SLC4A4: variants seen among roughly 807,000 people sequenced by gnomAD.
SLC4A4 encodes the protein solute carrier family 4 member 4.
Under a neutral mutation model 111.5 loss-of-function variants are expected in SLC4A4, and 27 were observed. The ratio of observed to expected loss-of-function variants is 0.24; its 90% CI spans 0.18 to 0.33. The LOEUF (loss-of-function observed/expected upper bound fraction) is 0.33. Ranked by LOEUF, SLC4A4 falls within the 10% of genes least tolerant of loss-of-function variation. The pLI, the probability that SLC4A4 is intolerant of heterozygous loss-of-function variation, is 1.00. For missense variants in SLC4A4, 909 were observed against 1,315.5 expected (o/e 0.69, Z 4.78); for synonymous variants, 443 against 463.4 (o/e 0.96, Z 0.57).
At chr4:71,311,731 G>A (rs192894762) in intron 3 of SLC4A4, among the ~76,000 whole-genome samples, 41 of 152,098 alleles carry the variant, frequency 2.7e-4, no homozygotes, top group Middle Eastern at 3.4e-3. Flanking sequence ...AGGAGAAAGC[G>A]GGAAAGATCT....
chr4:71,465,046 A>G (rs1169756295), intron 12 of SLC4A4, among the ~76,000 whole-genome samples: 5 of 152,116 alleles, frequency 3.3e-5, no homozygotes, highest in Non-Finnish European at 5.9e-5. Flanking sequence ...TGGATAGGTT[A>G]ACTCGGAGGT....
chr4:71,488,928 G>GTGT (rs1307362984), intron 15 of SLC4A4, among the ~76,000 whole-genome samples: 2 of 147,822 alleles, frequency 1.4e-5, no homozygotes, highest in Admixed American at 6.8e-5. Context: ...GTGTGTGTGT[G>GTGT]GTCATGAAGG....
Position 71,283,909 on chromosome 4 carries a change from T to C in SLC4A4, c.253+28510T>C, listed in dbSNP as rs375459621. Among the ~76,000 whole-genome samples the C allele has an allele frequency of 2.0e-5, 3 of 152,318 alleles. No homozygotes were observed. In the South Asian group the frequency reaches 6.2e-4, roughly 32 times the overall value. On this transcript the variant is annotated intron_variant, in intron 3 of 25. Coordinates refer to ENST00000264485, the MANE Select transcript of SLC4A4 (RefSeq NM_001098484.3). The stretch of plus-strand genomic sequence containing the variant: ...TGCTGCAGATGCCTCCTCCTTTTGC[T>C]TCCTTATGCTAAATGAGGAGAGTGA...
intron 5 of SLC4A4, among the ~76,000 whole-genome samples, chr4:71,350,380 TA>T (rs1379627572): frequency 6.6e-6 from 1 of 151,888 alleles, no homozygotes; most frequent in Non-Finnish European, 1.5e-5. Flanking sequence ...TTTATTTTAT[TA>T]TTATTATTAT....
chr4:71,469,741 C>T (rs556086095), intron 13 of SLC4A4, among the ~76,000 whole-genome samples: 4 of 152,082 alleles, frequency 2.6e-5, no homozygotes, highest in African/African-American at 9.6e-5. Context: ...TGATGCTCTA[C>T]ACATATCACT....
intron 1 of SLC4A4, among the ~76,000 whole-genome samples, chr4:71,229,808 C>A (rs1327780419): frequency 6.9e-6 from 1 of 144,388 alleles, no homozygotes; most frequent in Non-Finnish European, 1.5e-5. Context: ...AGAGCCCCTG[C>A]GAAGTTTTTT....
At chr4:71,376,084 T>C (rs1033169679) in intron 6 of SLC4A4, among the ~76,000 whole-genome samples, 6 of 149,418 alleles carry the variant, frequency 4.0e-5, no homozygotes, top group Admixed American at 6.7e-5. Flanking sequence ...CGTATATATA[T>C]ACATATATAC....
intron 7 of SLC4A4, among the ~76,000 whole-genome samples, chr4:71,405,646 G>C (rs1205916716): frequency 6.6e-6 from 1 of 152,104 alleles, no homozygotes; most frequent in African/African-American, 2.4e-5. Flanking sequence ...CTTCCCAAAA[G>C]ATTATATGAG....
intron 7 of SLC4A4, among the ~76,000 whole-genome samples, chr4:71,424,531 C>T (rs1261784081): frequency 6.6e-6 from 1 of 152,052 alleles, no homozygotes; most frequent in Non-Finnish European, 1.5e-5. Context: ...GCTATAAAGA[C>T]ACATGCACAC....
At chr4:71,372,746 G>C (rs565752912) in intron 6 of SLC4A4, among the ~76,000 whole-genome samples, 3 of 152,220 alleles carry the variant, frequency 2.0e-5, no homozygotes, top group Admixed American at 1.3e-4. Flanking sequence ...ACTGGGCAGG[G>C]ACCTGGTCCA....
At chr4:71,141,123 TTCTG>T (rs1274757262) in intron 2 of SLC4A4, among the ~76,000 whole-genome samples, 2 of 152,326 alleles carry the variant, frequency 1.3e-5, no homozygotes, top group East Asian at 1.9e-4. Context: ...AACATATTCT[TTCTG>T]TCTGAGATTT....
chr4:71,439,774 A>T (rs1577907684), intron 7 of SLC4A4, among the ~76,000 whole-genome samples: 1 of 151,690 alleles, frequency 6.6e-6, no homozygotes, highest in African/African-American at 2.4e-5. Flanking sequence ...TACTGTTTAC[A>T]TGGTGATGTC....
chr4:71,260,661 T>A (rs1311899055), intron 3 of SLC4A4, among the ~76,000 whole-genome samples: 2 of 152,178 alleles, frequency 1.3e-5, no homozygotes, highest in Non-Finnish European at 1.5e-5. Flanking sequence ...GAAGGGACAC[T>A]TGTGTTGTAA....
intron 7 of SLC4A4, among the ~76,000 whole-genome samples, chr4:71,428,376 C>T (rs1232431650): frequency 6.6e-6 from 1 of 151,978 alleles, no homozygotes; most frequent in East Asian, 1.9e-4. Flanking sequence ...TAATAATTTT[C>T]CTTTTAAACC....
chr4:71,455,799 C>T (rs762436974), intron 12 of SLC4A4, among the ~76,000 whole-genome samples: 8 of 152,098 alleles, frequency 5.3e-5, no homozygotes, highest in Non-Finnish European at 1.2e-4. Flanking sequence ...CTTGGCTTTA[C>T]AATGCTGCAT....
intron 12 of SLC4A4, among the ~76,000 whole-genome samples, chr4:71,457,954 C>T (rs139087125): frequency 4.6e-5 from 7 of 152,130 alleles, no homozygotes; most frequent in African/African-American, 7.2e-5. Context: ...CTATGAAATA[C>T]GTTATACTAT....
At chr4:71,178,062 C>T (rs1745153903) in intron 2 of SLC4A4, among the ~76,000 whole-genome samples, 1 of 152,130 alleles carries the variant, frequency 6.6e-6, no homozygotes, top group Non-Finnish European at 1.5e-5. Flanking sequence ...AACTGAACAA[C>T]CTGCTCCTGA....
intron 16 of SLC4A4, among the ~76,000 whole-genome samples, chr4:71,523,135 A>T (rs1733106137): frequency 6.6e-6 from 1 of 152,302 alleles, no homozygotes; most frequent in African/African-American, 2.4e-5. Context: ...AAACTAAAAC[A>T]ATATATTAAA....
chr4:71,238,816 G>A (rs772477431), intron 2 of SLC4A4, among the ~76,000 whole-genome samples: 3 of 152,046 alleles, frequency 2.0e-5, no homozygotes, highest in Non-Finnish European at 4.4e-5. Flanking sequence ...TGCTTTATTG[G>A]TGGGGGTGGG....
Sources: gnomAD v4.1 joint callset for allele counts (sites outside exome capture counted in the v4.1 genomes callset) on GRCh38, gnomAD v4.1.1 for gene constraint, MANE v1.5 for transcripts, NCBI Gene and HGNC (gene_info 2026-07-23, HGNC 2026-07-21) for gene names.